Variants in PLXNC1 observed in about 807,000 individuals in gnomAD.
PLXNC1 encodes the protein plexin-C1.
Under a neutral mutation model 178.2 loss-of-function variants are expected in PLXNC1, and 75 were observed. The ratio of observed to expected loss-of-function variants is 0.42; its 90% confidence interval spans 0.35 to 0.51. The LOEUF is 0.51. Among genes scored for constraint, PLXNC1 ranks in the 20% least tolerant of loss-of-function variants. PLXNC1 has a pLI of 0.02. For synonymous variants in PLXNC1, 790 were observed against 779.9 expected (o/e 1.01, Z -0.22); for missense variants, 1,503 against 1,984.4 (o/e 0.76, Z 4.61).
At chr12:94,155,667 A>T (rs531971571) in intron 1 of PLXNC1, among the ~76,000 whole-genome samples, 5 of 152,210 alleles carry the variant, frequency 3.3e-5, no homozygotes, top group African/African-American at 9.6e-5. Context: ...AGTCTCAAAA[A>T]CCTGTAAGCC....
intron 3 of PLXNC1, among the ~76,000 whole-genome samples, chr12:94,183,583 G>A (rs758833120): frequency 3.9e-5 from 6 of 152,196 alleles, no homozygotes; most frequent in Non-Finnish European, 7.4e-5. Context: ...CCAAAGCAAA[G>A]AAACTTGATA....
In PLXNC1 at chr12:94,149,740, G is replaced by T. The variant is rs761003987; in HGVS notation, c.769G>T (p.Ala257Ser). The T allele has an allele frequency of 1.9e-6, 3 of 1,611,200 alleles. No homozygotes were observed. The South Asian group carries it at 3.3e-5, about 18-fold the overall frequency. Reference protein sequence around the residue: ...PYYPYNYTSGAATGWPSMARI... With the variant: ...PYYPYNYTSGSATGWPSMARI... The stretch of plus-strand genomic sequence containing the variant: ...CTACCCCTACAACTACACGAGCGGC[G>T]CTGCCACCGGCTGGCCCAGCATGGC... The change falls in exon 1 of 31, where the codon GCT (alanine) becomes TCT (serine). Residue 257 changes from alanine to serine, a missense_variant. Physicochemically the swap from Ala to Ser is moderately conservative, Grantham distance 99 (BLOSUM62 1). Around this residue, in one of 4 missense-constraint regions of PLXNC1, gnomAD observed 615 missense variants for 698.6 expected, o/e 0.88. Coordinates refer to ENST00000258526, the MANE Select transcript of PLXNC1 (RefSeq NM_005761.3).
intron 23 of PLXNC1, among the ~76,000 whole-genome samples, chr12:94,284,125 A>C (rs933493570): frequency 6.6e-6 from 1 of 151,572 alleles, no homozygotes; most frequent in Non-Finnish European, 1.5e-5. Context: ...TTTGCAAAAT[A>C]TCTCAAGCAC....
intron 23 of PLXNC1, among the ~76,000 whole-genome samples, chr12:94,285,194 C>T (rs1348416998): frequency 6.6e-6 from 1 of 152,104 alleles, no homozygotes; most frequent in Non-Finnish European, 1.5e-5. Context: ...CCCAGCACAC[C>T]GGGAGGGTAG....
intron 17 of PLXNC1, chr12:94,255,776 A>C (rs1486306653): frequency 6.2e-6 from 1 of 161,656 alleles, no homozygotes; most frequent in Non-Finnish European, 1.4e-5. Context: ...ATTGGAGTTG[A>C]AAACAGGCAT....
intron 1 of PLXNC1, among the ~76,000 whole-genome samples, chr12:94,168,611 C>T (rs1315148737): frequency 6.6e-6 from 1 of 152,166 alleles, no homozygotes; most frequent in Non-Finnish European, 1.5e-5. Flanking sequence ...GTATCTTTAC[C>T]TTTTCACCCC....
chr12:94,200,479 G>A (rs879373968), intron 4 of PLXNC1, among the ~76,000 whole-genome samples: 8 of 152,098 alleles, frequency 5.3e-5, no homozygotes, highest in Admixed American at 5.2e-4. Flanking sequence ...CTGCTATATG[G>A]AGGGTGCACT....
intron 28 of PLXNC1, 69 bp from the exon 29 acceptor site, chr12:94,303,687 C>A: frequency 1.7e-6 from 2 of 1,176,606 alleles, no homozygotes; most frequent in Non-Finnish European, 1.2e-6. Flanking sequence ...TTATAAATTC[C>A]TCCATCTTTT....
At chr12:94,205,151 C>G (rs1963261768) in intron 4 of PLXNC1, among the ~76,000 whole-genome samples, 1 of 152,140 alleles carries the variant, frequency 6.6e-6, no homozygotes, top group Non-Finnish European at 1.5e-5. Context: ...CAGCCCGGCC[C>G]ATGGGTATTT....
At chr12:94,186,920 A>G (rs1962532885) in intron 4 of PLXNC1, among the ~76,000 whole-genome samples, 1 of 152,196 alleles carries the variant, frequency 6.6e-6, no homozygotes, top group Non-Finnish European at 1.5e-5. Context: ...GCCGTCTCCT[A>G]ATGCGCCGCG....
chr12:94,206,253 G>C (rs892095870), intron 4 of PLXNC1, among the ~76,000 whole-genome samples: 1 of 151,470 alleles, frequency 6.6e-6, no homozygotes, highest in African/African-American at 2.4e-5. Flanking sequence ...AGTAGGTTTG[G>C]AACTTTTTTT....
At chr12:94,274,535 C>A (rs1565847059) in intron 21 of PLXNC1, among the ~76,000 whole-genome samples, 1 of 152,198 alleles carries the variant, frequency 6.6e-6, no homozygotes, top group Non-Finnish European at 1.5e-5. Flanking sequence ...GCCACCGCAG[C>A]TTACTGACAC....
At position 94,260,719 on chromosome 12, in the gene PLXNC1, C is replaced by G; in HGVS notation, c.3329C>G (p.Thr1110Ser). The G allele has an allele frequency of 6.2e-7, 1 of 1,614,008 alleles. No homozygotes were observed. The highest frequency in any genetic ancestry group is 8.5e-7 in the Non-Finnish European group (1 of 1,179,890). Residue 1110 changes from threonine (T) to serine (S), a missense_variant, in exon 20 of 31, where the codon ACC (threonine) becomes AGC (serine). Physicochemically the swap from Thr to Ser is moderately conservative, Grantham distance 58. Around this residue, in one of 4 missense-constraint regions of PLXNC1, gnomAD observed 639 missense variants for 979.7 expected, o/e 0.65. Coordinates refer to ENST00000258526, the MANE Select transcript of PLXNC1 (RefSeq NM_005761.3). This position sits in a 1 kb window ranked among gnomAD's most constrained non-coding sequence, Gnocchi z 4.4. ...VYLTSILEVL[T>S]RDLMEQCSNM... ...CTGACCAGCATCCTAGAGGTGCTGA[C>G]CAGGGACTTGATGGAACAGTGTAGT...
intron 9 of PLXNC1, among the ~76,000 whole-genome samples, chr12:94,235,713 C>T (rs1162806607): frequency 2.6e-5 from 4 of 152,150 alleles, no homozygotes; most frequent in African/African-American, 9.7e-5. Flanking sequence ...CAACAGCAGC[C>T]AGAGACACTA....
chr12:94,275,931 T>C (rs1965926143), intron 21 of PLXNC1, among the ~76,000 whole-genome samples: 1 of 146,482 alleles, frequency 6.8e-6, no homozygotes, highest in African/African-American at 2.5e-5. Flanking sequence ...AATGAACACA[T>C]ATCAATTTAT....
chr12:94,277,510 T>A (rs1212859162), intron 21 of PLXNC1, among the ~76,000 whole-genome samples: 1 of 152,212 alleles, frequency 6.6e-6, no homozygotes, highest in African/African-American at 2.4e-5. Context: ...TTACTGTTGT[T>A]ATGCCCTCTT....
intron 28 of PLXNC1, among the ~76,000 whole-genome samples, chr12:94,301,757 G>A (rs936787996): frequency 2.0e-5 from 3 of 152,160 alleles, no homozygotes; most frequent in African/African-American, 7.2e-5. Context: ...CAGACTCCCA[G>A]TCATAATCTA....
chr12:94,208,274 G>A (rs1963364892), intron 4 of PLXNC1, among the ~76,000 whole-genome samples: 1 of 152,210 alleles, frequency 6.6e-6, no homozygotes, highest in African/African-American at 2.4e-5. Flanking sequence ...ATTGGGAGCA[G>A]GGTTCCCCAA....
At chr12:94,230,514 G>A (rs2136035973) in intron 9 of PLXNC1, among the ~76,000 whole-genome samples, 1 of 152,304 alleles carries the variant, frequency 6.6e-6, no homozygotes, top group South Asian at 2.1e-4. Flanking sequence ...CCCTCTAAGT[G>A]TGGAGAAAGA....
Sources: gnomAD v4.1 joint callset for allele counts (sites outside exome capture counted in the v4.1 genomes callset) on GRCh38, gnomAD v4.1.1 for gene constraint, gnomAD v4.1.1 regional missense constraint, Gnocchi (gnomAD v3.1) non-coding constraint, MANE v1.5 for transcripts, NCBI Gene and HGNC (gene_info 2026-07-23, HGNC 2026-07-21) for gene names.